The following RBFOX1 variants were observed in gnomAD, a reference collection of about 807,000 sequenced individuals.
The protein encoded by RBFOX1 is RNA binding protein fox-1 homolog 1.
Under a neutral mutation model 57.7 loss-of-function variants are expected in RBFOX1, and 8 were observed. The observed-to-expected ratio is 0.14, with a 90% CI of 0.08 to 0.25. RBFOX1 has a LOEUF of 0.25. RBFOX1 is among the 10% of genes least tolerant of loss of function. The probability of loss-of-function intolerance (pLI) is 1.00; values close to 1 mark genes in which losing one functional copy is unlikely to be tolerated. For synonymous variants in RBFOX1, 326 were observed against 222.4 expected, an observed-to-expected ratio of 1.47 and a Z score of -4.15; for missense variants, 611 against 548.5, an observed-to-expected ratio of 1.11 and a Z score of -1.14.
At chr16:6,827,931 G>C (rs1567439634) in intron 3 of RBFOX1, among the ~76,000 whole-genome samples, 1 of 152,214 alleles carries the variant, frequency 6.6e-6, no homozygotes, top group Non-Finnish European at 1.5e-5. Context: ...AAGCAGTTTT[G>C]ATTAATGCCT....
At chr16:7,434,510 AATC>A (rs1201768482) in intron 4 of RBFOX1, among the ~76,000 whole-genome samples, 1 of 152,018 alleles carries the variant, frequency 6.6e-6, no homozygotes, top group Non-Finnish European at 1.5e-5. Flanking sequence ...AAATAAAAAA[AATC>A]ATCAGGAGAT....
At chr16:6,025,807 A>G (rs1236405463) in intron 1 of RBFOX1, among the ~76,000 whole-genome samples, 2 of 152,172 alleles carry the variant, frequency 1.3e-5, no homozygotes, top group Admixed American at 1.3e-4. Flanking sequence ...AATTTGTTGG[A>G]GGGTTTGGAC....
In RBFOX1 at chr16:5,274,680, A is replaced by T. The variant is rs1976970; in HGVS notation, c.219+34575A>T. Among the ~76,000 whole-genome samples the T allele has an allele frequency of 2.0e-5, 3 of 152,046 alleles. No individual in the cohort carries two copies. The East Asian group carries it at 5.8e-4, about 29-fold the overall frequency. On this transcript the variant is annotated intron_variant, in intron 1 of 2. Transcript: ENST00000585867. ...TGCTGACTGTATTTCTGCCATGTTCACTTATTAGTGGATGGGTTATTTTGC... is the reference window on the plus strand; with the variant it reads ...TGCTGACTGTATTTCTGCCATGTTCTCTTATTAGTGGATGGGTTATTTTGC...
chr16:6,148,214 C>G (rs1228319865), intron 1 of RBFOX1, among the ~76,000 whole-genome samples: 1 of 152,212 alleles, frequency 6.6e-6, no homozygotes, highest in Non-Finnish European at 1.5e-5. Context: ...GTAATCCCAG[C>G]TACTTGGGAG....
intron 3 of RBFOX1, among the ~76,000 whole-genome samples, chr16:6,992,792 CATGACCA>C (rs1251645222): frequency 7.1e-6 from 1 of 140,608 alleles, no homozygotes; most frequent in African/African-American, 2.7e-5. Flanking sequence ...TGTATCATGA[CATGACCA>C]ATGGCCATGG....
At chr16:7,638,147 G>C (rs1391223409) in intron 11 of RBFOX1, among the ~76,000 whole-genome samples, 1 of 152,142 alleles carries the variant, frequency 6.6e-6, no homozygotes, top group Non-Finnish European at 1.5e-5. Context: ...GTGAACGCCT[G>C]TTAACCTAGT....
chr16:5,659,803 GT>G (rs2049586826), intron 3 of RBFOX1, among the ~76,000 whole-genome samples: 1 of 152,152 alleles, frequency 6.6e-6, no homozygotes, highest in South Asian at 2.1e-4. Flanking sequence ...CTGTGGCTTT[GT>G]CATCAGTCAA....
chr16:7,524,000 C>T (rs2078108143), intron 5 of RBFOX1, among the ~76,000 whole-genome samples: 2 of 152,202 alleles, frequency 1.3e-5, no homozygotes, highest in South Asian at 2.1e-4. Context: ...ATCCATGACC[C>T]TGTATTTGCA....
chr16:5,320,338 A>T (rs2064368141), intron 1 of RBFOX1, among the ~76,000 whole-genome samples: 2 of 152,338 alleles, frequency 1.3e-5, no homozygotes, highest in Middle Eastern at 6.8e-3. Flanking sequence ...GTTGGGAAGT[A>T]CATGGGTATG....
intron 4 of RBFOX1, among the ~76,000 whole-genome samples, chr16:7,136,404 A>ATTTTTTTTTTTTTT (rs35623726): frequency 4.5e-5 from 5 of 110,942 alleles, no homozygotes; most frequent in African/African-American, 1.8e-4. Flanking sequence ...TCATCTTGGG[A>ATTTTTTTTTTTTTT]TTTTTTTTTT....
intron 1 of RBFOX1, among the ~76,000 whole-genome samples, chr16:6,192,298 A>G (rs1435155681): frequency 6.6e-6 from 1 of 152,050 alleles, no homozygotes; most frequent in Non-Finnish European, 1.5e-5. Context: ...CCACATCAAA[A>G]TTGGCATTGG....
chr16:7,341,639 G>C (rs2096892711), intron 4 of RBFOX1, among the ~76,000 whole-genome samples: 1 of 152,130 alleles, frequency 6.6e-6, no homozygotes, highest in South Asian at 2.1e-4. Context: ...GCTTCCTACA[G>C]AGAGATACTC....
chr16:6,032,170 T>G (rs1204213841), intron 1 of RBFOX1, among the ~76,000 whole-genome samples: 3 of 152,158 alleles, frequency 2.0e-5, no homozygotes, highest in African/African-American at 7.2e-5. Flanking sequence ...CTTCCTTCCT[T>G]CTGAGATTCC....
chr16:5,630,456 C>T (rs769239683), intron 3 of RBFOX1, among the ~76,000 whole-genome samples: 93 of 149,336 alleles, frequency 6.2e-4, no homozygotes, highest in Middle Eastern at 3.4e-3. Context: ...GACTCTGTCT[C>T]GAAAAAAAAG....
chr16:6,919,913 T>C (rs902522220), intron 3 of RBFOX1, among the ~76,000 whole-genome samples: 4 of 152,034 alleles, frequency 2.6e-5, no homozygotes, highest in Admixed American at 2.0e-4. Flanking sequence ...ACCCAGTGTG[T>C]CATCTTTTAT....
chr16:5,554,177 G>A (rs111539642), intron 2 of RBFOX1, among the ~76,000 whole-genome samples: 3,963 of 151,948 alleles, frequency 0.026, 189 homozygotes, highest in African/African-American at 0.089. Context: ...TACCGTGTTG[G>A]CCAGGCTGGT....
chr16:5,638,049 C>G (rs926452443), intron 3 of RBFOX1, among the ~76,000 whole-genome samples: 1 of 152,190 alleles, frequency 6.6e-6, no homozygotes, highest in African/African-American at 2.4e-5. Flanking sequence ...TACGGGAGTT[C>G]CTTTTCTAAA....
chr16:6,527,935 C>A (rs115756045), intron 2 of RBFOX1, among the ~76,000 whole-genome samples: 2,491 of 152,216 alleles, frequency 0.016, 64 homozygotes, highest in African/African-American at 0.054. Flanking sequence ...CCTTTGTTGT[C>A]CCTTTTCCCA....
intron 3 of RBFOX1, among the ~76,000 whole-genome samples, chr16:6,954,912 C>G (rs542339058): frequency 2.0e-5 from 3 of 152,156 alleles, no homozygotes; most frequent in Admixed American, 6.6e-5. Flanking sequence ...TTATCCTAAA[C>G]TTATTAGGCT....
Sources: allele counts gnomAD v4.1 joint callset (sites outside exome capture counted in the v4.1 genomes callset), GRCh38; gene constraint gnomAD v4.1.1; transcripts MANE v1.5; gene names NCBI Gene and HGNC (gene_info 2026-07-23, HGNC 2026-07-21).